ATP9B: variants seen among roughly 807,000 people sequenced by gnomAD.
The protein encoded by ATP9B is probable phospholipid-transporting ATPase IIB.
Under a neutral mutation model 146.1 loss-of-function variants are expected in ATP9B, and 110 were observed. That is an observed-to-expected ratio of 0.75 (90% CI 0.65 to 0.88). The LOEUF is 0.88. Among genes scored for constraint, ATP9B ranks in the 40% least tolerant of loss-of-function variants. The pLI is 0.00. For synonymous variants in ATP9B, 604 were observed against 569.7 expected, an observed-to-expected ratio of 1.06 and a Z score of -0.86; for missense variants, 1,499 against 1,496.4, an observed-to-expected ratio of 1.00 and a Z score of -0.03.
At chr18:79,300,384 G>A (rs1225219869) in intron 13 of ATP9B, among the ~76,000 whole-genome samples, 2 of 152,130 alleles carry the variant, frequency 1.3e-5, no homozygotes, top group Admixed American at 1.3e-4. Flanking sequence ...AAGTGAGGAG[G>A]CTGAGTGGGA....
Position 79,303,608 on chromosome 18 carries a change from C to T in ATP9B, c.1416C>T (p.Thr472=), listed in dbSNP as rs373609399. The T allele has an allele frequency of 3.7e-6, 6 of 1,613,754 alleles. No homozygotes were observed. The highest frequency in any genetic ancestry group is 1.1e-5 in the South Asian group (1 of 91,034). ...LVYLLTDKTG[T]LTQNEMIFKR... ...CTGTTGTCCCCTTTATCCTAGGAACCCTCACCCAGAATGAAATGATATTTA... is the reference window on the plus strand; with the variant it reads ...CTGTTGTCCCCTTTATCCTAGGAACTCTCACCCAGAATGAAATGATATTTA... Residue 472 remains threonine, a synonymous_variant, in exon 14 of 30, where the codon ACC becomes ACT. Transcript: ENST00000426216.
At chr18:79,149,560 G>A (rs1027853156) in intron 6 of ATP9B, among the ~76,000 whole-genome samples, 2 of 152,028 alleles carry the variant, frequency 1.3e-5, no homozygotes, top group Non-Finnish European at 2.9e-5. Flanking sequence ...AGGAAAAATT[G>A]ATAAATTGCA....
chr18:79,271,827 AT>A lies in ATP9B; in HGVS notation c.1269-5226del, dbSNP rs1259551137. On this transcript the variant is annotated intron_variant, in intron 12 of 29. Transcript: ENST00000426216. ...AGGAATCACCACACTGACTTCCACAATGGTTGAACTAGTTTACAGTCCCACC... is the reference window on the plus strand; with the variant it reads ...AGGAATCACCACACTGACTTCCACAAGGTTGAACTAGTTTACAGTCCCACC... Among the ~76,000 whole-genome samples, 4 of 152,230 alleles carry A rather than the reference AT, an allele frequency of 2.6e-5. No homozygotes were observed. The East Asian group carries it at 7.7e-4, about 29-fold the overall frequency.
intron 8 of ATP9B, 55 bp downstream of exon 8, chr18:79,176,962 T>G (rs2095180856): frequency 6.9e-7 from 1 of 1,447,752 alleles, no homozygotes; most frequent in Non-Finnish European, 9.6e-7. Flanking sequence ...GTTTCTAGGC[T>G]TCACGTATAT....
intron 15 of ATP9B, among the ~76,000 whole-genome samples, chr18:79,310,768 A>G (rs537720245): frequency 3.6e-4 from 55 of 151,874 alleles, no homozygotes; most frequent in African/African-American, 9.9e-4. Flanking sequence ...TTGTCTGTAC[A>G]TCAGGCAGAC....
intron 17 of ATP9B, among the ~76,000 whole-genome samples, chr18:79,334,698 G>A (rs1357045928): frequency 1.3e-5 from 2 of 152,102 alleles, no homozygotes; most frequent in Admixed American, 6.5e-5. Context: ...GGGCAGGACC[G>A]TGTGTGCTCA....
chr18:79,308,668 CAGGGGTGGTGGAGTGATCCCCAGCAG>C, intron 15 of ATP9B, among the ~76,000 whole-genome samples: 1 of 115,802 alleles, frequency 8.6e-6, no homozygotes, highest in Non-Finnish European at 1.9e-5. Context: ...GGTAGAAGGT[CAGGGGTGGTGGAGTGATCCCCAGCAG>C]GTAGAAGGTC....
rs573329543 is a variant in ATP9B at position 79,155,984 on chromosome 18, G to A, written c.778+1429G>A. Among the ~76,000 whole-genome samples, 750 of 151,872 alleles carry A rather than the reference G, an allele frequency of 4.9e-3. 4 individuals carry two copies. Among genetic ancestry groups the A allele is most frequent in the African/African-American group, 0.017 (688 of 41,436 alleles). ...TCACCATGTTAGCCAGGATGGTCTC[G>A]ATCTCCTGACCTTGTGATCCACCCA... is the stretch of plus-strand genomic sequence containing the variant. On this transcript the variant is annotated intron_variant, in intron 7 of 29. Coordinates refer to ENST00000426216, the MANE Select transcript of ATP9B (RefSeq NM_198531.5).
At chr18:79,339,277 GTGTCATGATCGTAGTAGGAAGTA>G (rs201653855) in intron 19 of ATP9B, among the ~76,000 whole-genome samples, 202 of 150,890 alleles carry the variant, frequency 1.3e-3, no homozygotes, top group South Asian at 3.8e-3. Context: ...AGTAGGAAGT[GTGTCATGATCGTAGTAGGAAGTA>G]TGTCATGATC....
At chr18:79,071,398 C>CTTTTTTTTTTTTTTTTTTTT (rs747150962) in intron 1 of ATP9B, among the ~76,000 whole-genome samples, 33 of 22,380 alleles carry the variant, frequency 1.5e-3, no homozygotes, top group Admixed American at 2.5e-3. Context: ...TATTGTTCTT[C>CTTTTTTTTTTTTTTTTTTTT]CTTTTTTTTT....
intron 2 of ATP9B, among the ~76,000 whole-genome samples, chr18:79,105,151 C>T (rs1246739759): frequency 6.6e-6 from 1 of 152,170 alleles, no homozygotes; most frequent in Non-Finnish European, 1.5e-5. Flanking sequence ...GGAAATTAAA[C>T]CCTGCACGTT....
chr18:79,370,085 C>T (rs1395938760), intron 26 of ATP9B, among the ~76,000 whole-genome samples: 20 of 152,104 alleles, frequency 1.3e-4, no homozygotes, highest in Non-Finnish European at 1.5e-5. Flanking sequence ...GGCAACAGAG[C>T]AAGACTCCAT....
intron 11 of ATP9B, among the ~76,000 whole-genome samples, chr18:79,222,623 A>G (rs541316824): frequency 6.6e-6 from 1 of 152,318 alleles, no homozygotes; most frequent in African/African-American, 2.4e-5. Context: ...ATTTTGTTAG[A>G]TAGAGGAAAA....
Position 79,096,614 on chromosome 18 carries a change from G to C in ATP9B, c.258G>C (p.Trp86Cys), listed in dbSNP as rs201285799. ...TGCAAAGGAAAAGAGGACTGGAGTGGTTTGTCTGTGATGGCTGGAAGTTCC... is the reference window on the plus strand; with the variant it reads ...TGCAAAGGAAAAGAGGACTGGAGTGCTTTGTCTGTGATGGCTGGAAGTTCC... ...RIMQRKRGLEWFVCDGWKFLC... is the reference protein window; with the variant it reads ...RIMQRKRGLECFVCDGWKFLC... Residue 86 changes from tryptophan to cysteine, a missense_variant, in exon 2 of 30, where the codon TGG becomes TGC. Transcript: ENST00000426216. The C allele has an allele frequency of 4.3e-6, 7 of 1,613,884 alleles. No homozygotes were observed. In the African/African-American group the frequency reaches 8.0e-5, roughly 18 times the overall value.
chr18:79,181,366 G>A (rs972145285), intron 8 of ATP9B, among the ~76,000 whole-genome samples: 3 of 152,054 alleles, frequency 2.0e-5, no homozygotes, highest in Non-Finnish European at 4.4e-5. Flanking sequence ...TCTTGTATCT[G>A]GAGTTTCATG....
At chr18:79,341,076 T>C (rs190580273) in intron 19 of ATP9B, among the ~76,000 whole-genome samples, 18 of 152,384 alleles carry the variant, frequency 1.2e-4, no homozygotes, top group African/African-American at 4.3e-4. Flanking sequence ...TACACATCAC[T>C]GTGCTCTCGC....
At chr18:79,070,029 G>C (rs1383184986) in intron 1 of ATP9B, among the ~76,000 whole-genome samples, 1 of 152,158 alleles carries the variant, frequency 6.6e-6, no homozygotes, top group African/African-American at 2.4e-5. Context: ...TATATACAAA[G>C]TGCTTTTTGT....
chr18:79,073,501 G>A (rs1050637567), intron 1 of ATP9B, among the ~76,000 whole-genome samples: 9 of 152,344 alleles, frequency 5.9e-5, no homozygotes, highest in East Asian at 3.9e-4. Flanking sequence ...GGCGGCGCGC[G>A]CCTGCAATCC....
chr18:79,233,037 A>C (rs1214473741), intron 11 of ATP9B, among the ~76,000 whole-genome samples: 1 of 152,190 alleles, frequency 6.6e-6, no homozygotes, highest in African/African-American at 2.4e-5. Flanking sequence ...CACGCCTATA[A>C]TCTCAGCACT....
Sources: gnomAD v4.1 joint callset for allele counts (sites outside exome capture counted in the v4.1 genomes callset) on GRCh38, gnomAD v4.1.1 for gene constraint, MANE v1.5 for transcripts, NCBI Gene and HGNC (gene_info 2026-07-23, HGNC 2026-07-21) for gene names.